AVL9: variants seen among roughly 807,000 people sequenced by gnomAD.
The protein encoded by AVL9 is AVL9 cell migration associated, also known as late secretory pathway protein AVL9 homolog.
A neutral mutation model predicts 79.2 loss-of-function variants in AVL9; 49 were observed. The ratio of observed to expected loss-of-function variants is 0.62; its 90% confidence interval spans 0.49 to 0.79. The LOEUF (loss-of-function observed/expected upper bound fraction) is 0.79. AVL9 is among the 30% of genes least tolerant of loss of function. The probability of loss-of-function intolerance (pLI) is 0.00; values close to 1 mark genes in which losing one functional copy is unlikely to be tolerated. For missense variants in AVL9, 682 were observed against 776.8 expected, an observed-to-expected ratio of 0.88 and a Z score of 1.45; for synonymous variants, 299 against 280.6, an observed-to-expected ratio of 1.07 and a Z score of -0.65.
intron 1 of AVL9, among the ~76,000 whole-genome samples, chr7:32,508,282 A>C (rs1787501462): frequency 6.6e-6 from 1 of 152,166 alleles, no homozygotes. Flanking sequence ...AGACATTTTT[A>C]CTAATTTGAT....
chr7:32,551,085 A>G (rs1194760077), intron 4 of AVL9, among the ~76,000 whole-genome samples: 1 of 152,186 alleles, frequency 6.6e-6, no homozygotes, highest in Admixed American at 6.6e-5. Flanking sequence ...TGATGGAGCC[A>G]GGCCCAGCAA....
At chr7:32,522,969 C>G (rs552243004) in intron 1 of AVL9, among the ~76,000 whole-genome samples, 1 of 151,994 alleles carries the variant, frequency 6.6e-6, no homozygotes, top group Non-Finnish European at 1.5e-5. Context: ...CCTTTTGCCT[C>G]CCGCCATAAT....
At chr7:32,538,198 A>G (rs1268528643) in intron 1 of AVL9, 1 of 152,248 alleles carries the variant, frequency 6.6e-6, no homozygotes, top group African/African-American at 2.4e-5. Context: ...CTTCTGGCCA[A>G]TGGCAACCTG....
rs189859718 is a variant in AVL9, at chr7:32,527,475, G to A, written c.94-15666G>A. ...ACAACCGAGACTACAGTAGCTCAGT[G>A]CATACAAGTTAAAAATAAGTCAGTT... On this transcript the variant is annotated intron_variant, in intron 1 of 15. Transcript: ENST00000318709. Among the ~76,000 whole-genome samples, 1,040 of 152,186 alleles carry A rather than the reference G, an allele frequency of 6.8e-3. 6 individuals are homozygous for A. Among genetic ancestry groups the A allele is most frequent in the Non-Finnish European group, 0.011 (740 of 68,006 alleles).
At chr7:32,531,059 A>G (rs973390673) in intron 1 of AVL9, among the ~76,000 whole-genome samples, 2 of 152,230 alleles carry the variant, frequency 1.3e-5, no homozygotes, top group African/African-American at 4.8e-5. Flanking sequence ...GAGAGGCTCA[A>G]GTTTTAAAGA....
intron 13 of AVL9, among the ~76,000 whole-genome samples, chr7:32,579,014 C>T (rs954670741): frequency 7.3e-5 from 11 of 151,526 alleles, no homozygotes; most frequent in Admixed American, 4.6e-4. Flanking sequence ...GTGATGTGTC[C>T]GTATTTCAAT....
chr7:32,501,211 T>G (rs1787114402), intron 1 of AVL9, among the ~76,000 whole-genome samples: 1 of 152,208 alleles, frequency 6.6e-6, no homozygotes, highest in Non-Finnish European at 1.5e-5. Flanking sequence ...GATTCAGGTT[T>G]TGGTGACAGA....
At chr7:32,523,508 CTTTTTTTTTTTT>C (rs70992725) in intron 1 of AVL9, among the ~76,000 whole-genome samples, 24 of 79,262 alleles carry the variant, frequency 3.0e-4, no homozygotes, top group Admixed American at 9.8e-4. Flanking sequence ...TATAAATTTC[CTTTTTTTTTTTT>C]TTTTTTTTTT....
chr7:32,555,220 G>A (rs139289894), intron 8 of AVL9, among the ~76,000 whole-genome samples: 23 of 152,144 alleles, frequency 1.5e-4, no homozygotes, highest in Non-Finnish European at 3.2e-4. Context: ...GCATGTGCCT[G>A]TAGTCCCAGC....
chr7:32,505,293 A>G (rs1345825862), intron 1 of AVL9, among the ~76,000 whole-genome samples: 1 of 151,650 alleles, frequency 6.6e-6, no homozygotes, highest in Non-Finnish European at 1.5e-5. Flanking sequence ...TGGGAGGCCA[A>G]GGCGGGCAGA....
intron 1 of AVL9, among the ~76,000 whole-genome samples, chr7:32,504,590 A>G (rs1034258697): frequency 1.3e-5 from 2 of 152,204 alleles, no homozygotes; most frequent in Admixed American, 6.5e-5. Context: ...CAGTTTCTTC[A>G]TCTATAAAAT....
chr7:32,546,069 C>CTTTTTTTTTTTTTTT lies in AVL9; in HGVS notation c.300+1304_300+1305insTTTTTTTTTTTTTTT, dbSNP rs57046702. Among the ~76,000 whole-genome samples, 28 of 99,014 alleles carry CTTTTTTTTTTTTTTT rather than the reference C, an allele frequency of 2.8e-4. 1 individual carries two copies. The highest frequency in any genetic ancestry group is 9.8e-4 in the African/African-American group (26 of 26,472). The allele number at this position is 99,014 out of a possible 152,430, so 65.0% of individuals were successfully genotyped here. On this transcript the variant is annotated intron_variant, in intron 3 of 15. Coordinates refer to ENST00000318709, the MANE Select transcript of AVL9 (RefSeq NM_015060.3). ...ATTTTTAACTAGAATTACCTGGAGA[C>CTTTTTTTTTTTTTTT]TTTTTTTTTTTTTTAAATATCTGTA...
chr7:32,553,290 A>G (rs1583565997), intron 6 of AVL9, among the ~76,000 whole-genome samples: 1 of 152,250 alleles, frequency 6.6e-6, no homozygotes, highest in African/African-American at 2.4e-5. Flanking sequence ...GATTGCCACT[A>G]TAATATAAGC....
chr7:32,504,887 T>A (rs1206090703), intron 1 of AVL9, among the ~76,000 whole-genome samples: 1 of 152,064 alleles, frequency 6.6e-6, no homozygotes, highest in Non-Finnish European at 1.5e-5. Flanking sequence ...TTTATTTATT[T>A]TTTTGAGACG....
chr7:32,548,234 G>C (rs7804506), intron 3 of AVL9, among the ~76,000 whole-genome samples: 91,259 of 149,490 alleles, frequency 0.61, 28,235 homozygotes, highest in Admixed American at 0.71. Flanking sequence ...TGCAACCTCT[G>C]CCTCCCGGGT....
At chr7:32,516,836 G>A (rs1055531736) in intron 1 of AVL9, among the ~76,000 whole-genome samples, 5 of 151,524 alleles carry the variant, frequency 3.3e-5, no homozygotes, top group African/African-American at 4.8e-5. Context: ...TCCCTTTCAG[G>A]CACTCTGTTG....
chr7:32,535,831 T>G (rs1342638863), intron 1 of AVL9: 1 of 152,180 alleles, frequency 6.6e-6, no homozygotes. Flanking sequence ...CAGGACCAGG[T>G]AGAGGTAATT....
intron 3 of AVL9, 136 bp downstream of exon 3, chr7:32,544,915 A>C: frequency 1.6e-6 from 1 of 616,466 alleles, no homozygotes; most frequent in Non-Finnish European, 2.8e-6. Flanking sequence ...TGTTTTTTCA[A>C]TAGTGCCAGT....
intron 1 of AVL9, among the ~76,000 whole-genome samples, chr7:32,506,402 T>C (rs1787415583): frequency 6.6e-6 from 1 of 152,190 alleles, no homozygotes; most frequent in Admixed American, 6.5e-5. Flanking sequence ...ATAACTAAGA[T>C]GGCTGTTCAG....
Sources: allele counts gnomAD v4.1 joint callset (sites outside exome capture counted in the v4.1 genomes callset), GRCh38; gene constraint gnomAD v4.1.1; transcripts MANE v1.5; gene names NCBI Gene and HGNC (gene_info 2026-07-23, HGNC 2026-07-21).